Variants in HIVEP1 observed in about 807,000 individuals in gnomAD.
HIVEP1 encodes the protein HIVEP zinc finger 1, also known as zinc finger protein 40.
In HIVEP1, 36 loss-of-function variants were observed where a neutral mutation model predicts 180.0. The ratio of observed to expected loss-of-function variants is 0.20; its 90% CI spans 0.15 to 0.26. The LOEUF (loss-of-function observed/expected upper bound fraction) is 0.26. Ranked by LOEUF, HIVEP1 falls within the 10% of genes least tolerant of loss-of-function variation. HIVEP1 has a pLI of 1.00. For synonymous variants in HIVEP1, 1,239 were observed against 1,239.0 expected, an observed-to-expected ratio of 1.00 and a Z score of 0.00; for missense variants, 3,143 against 3,268.7, an observed-to-expected ratio of 0.96 and a Z score of 0.94.
In HIVEP1 at chr6:12,121,583, T is replaced by G. The variant is rs1179250850; in HGVS notation, c.1788T>G (p.Leu596=). 4 of 1,614,140 alleles carry G rather than the reference T, an allele frequency of 2.5e-6. No homozygotes were observed. Among genetic ancestry groups the G allele is most frequent in the Admixed American group, 1.7e-5 (1 of 60,028 alleles). Residue 596 remains leucine (L), a synonymous_variant, in exon 4 of 9, where the codon CTT becomes CTG. Transcript: ENST00000379388. The surrounding 1 kb of genome is among the most constrained non-coding windows in gnomAD (Gnocchi z 5.3). ...CTAGTGCACAAAAGCAGAAGGACCT[T>G]CAGGTGACAAACGTACAGCCACTTT... ...ELSSAQKQKD[L]QVTNVQPLSA... is the part of the protein sequence containing the mutation.
intron 2 of HIVEP1, among the ~76,000 whole-genome samples, chr6:12,072,595 G>A (rs996177099): frequency 3.9e-5 from 6 of 152,070 alleles, no homozygotes; most frequent in African/African-American, 9.7e-5. Context: ...TGGAGCTTTC[G>A]TTGCATCTGT....
At chr6:12,044,400 A>C (rs1769979303) in intron 2 of HIVEP1, among the ~76,000 whole-genome samples, 1 of 152,146 alleles carries the variant, frequency 6.6e-6, no homozygotes, top group South Asian at 2.1e-4. Context: ...TTTTGTTGGC[A>C]CCAAAGGGTA....
chr6:12,083,028 A>T (rs1772886995), intron 2 of HIVEP1, among the ~76,000 whole-genome samples: 1 of 152,142 alleles, frequency 6.6e-6, no homozygotes, highest in East Asian at 1.9e-4. Flanking sequence ...TGTATTCATT[A>T]TAGGTACTTT....
chr6:12,160,672 T>TA (rs752118360), intron 7 of HIVEP1, among the ~76,000 whole-genome samples: 3 of 152,360 alleles, frequency 2.0e-5, no homozygotes, highest in Admixed American at 6.5e-5. Context: ...AGTAGACTGT[T>TA]AGACAGTTCT....
rs374139532 is a variant in HIVEP1, at chr6:12,124,910, A to G, written c.5115A>G (p.Leu1705=). 4.4e-5 allele frequency: 71 copies of G among 1,614,016 alleles called. No homozygotes were observed. The highest frequency in any genetic ancestry group is 4.0e-4 in the South Asian group (36 of 91,032). The change falls in exon 4 of 9, where the codon CTA becomes CTG. Residue 1705 remains leucine, a synonymous_variant. Coordinates refer to ENST00000379388, the MANE Select transcript of HIVEP1 (RefSeq NM_002114.4). Reference sequence around the variant, plus strand: ...TGCCAAACCCAGAGAAGGAATTTCTATGTGAAAATGTTTTTTCAGAGATGA... The same window carrying G: ...TGCCAAACCCAGAGAAGGAATTTCTGTGTGAAAATGTTTTTTCAGAGATGA... ...NALPNPEKEF[L]CENVFSEMSQ... is the part of the protein sequence containing the mutation.
At chr6:12,175,772 T>TCA in the HIVEP1 span, among the ~76,000 whole-genome samples, 6 of 152,192 alleles carry the variant, frequency 3.9e-5, no homozygotes, top group African/African-American at 1.4e-4. Flanking sequence ...TTCTGTGCAT[T>TCA]CACTAAGGGA....
chr6:12,053,431 G>A (rs1219050846), intron 2 of HIVEP1, among the ~76,000 whole-genome samples: 1 of 152,038 alleles, frequency 6.6e-6, no homozygotes, highest in Non-Finnish European at 1.5e-5. Flanking sequence ...TGTATTATAA[G>A]CCATGGAAAA....
chr6:12,074,643 T>TGTGCGC (rs573970756), intron 2 of HIVEP1, among the ~76,000 whole-genome samples: 16 of 148,148 alleles, frequency 1.1e-4, no homozygotes, highest in African/African-American at 3.6e-4. Context: ...TGTGTGTGTG[T>TGTGCGC]GCGCGCGCGT....
At chr6:12,041,489 A>T (rs1283507454) in intron 2 of HIVEP1, among the ~76,000 whole-genome samples, 1 of 148,128 alleles carries the variant, frequency 6.8e-6, no homozygotes, top group African/African-American at 2.5e-5. Context: ...TATACATTAC[A>T]TTCTAGCTTA....
At chr6:12,066,667 A>G (rs1008211785) in intron 2 of HIVEP1, among the ~76,000 whole-genome samples, 1 of 152,206 alleles carries the variant, frequency 6.6e-6, no homozygotes, top group Non-Finnish European at 1.5e-5. Context: ...TTAGATTATG[A>G]AGATTTAGAT....
chr6:12,023,533 T>C (rs1245305753), intron 2 of HIVEP1, among the ~76,000 whole-genome samples: 1 of 152,202 alleles, frequency 6.6e-6, no homozygotes, highest in Non-Finnish European at 1.5e-5. Flanking sequence ...TAAGTAATAA[T>C]TTAAAAAATA....
At chr6:12,115,537 C>T (rs144944654) in intron 3 of HIVEP1, among the ~76,000 whole-genome samples, 3 of 151,738 alleles carry the variant, frequency 2.0e-5, no homozygotes, top group East Asian at 1.9e-4. Context: ...TATATGAAGT[C>T]GTGTTTGGAT....
chr6:12,185,742 T>C, the HIVEP1 span, among the ~76,000 whole-genome samples: 1 of 152,218 alleles, frequency 6.6e-6, no homozygotes, highest in Non-Finnish European at 1.5e-5. Context: ...ACCAGTGGCC[T>C]ATGTACCACT....
At chr6:12,131,165 ATT>A (rs1561983981) in intron 6 of HIVEP1, among the ~76,000 whole-genome samples, 1 of 151,684 alleles carries the variant, frequency 6.6e-6, no homozygotes, top group Admixed American at 6.6e-5. Context: ...TAAATATAAT[ATT>A]TTTAAAAGAG....
intron 2 of HIVEP1, among the ~76,000 whole-genome samples, chr6:12,082,185 A>G (rs1772831218): frequency 2.0e-5 from 3 of 152,140 alleles, no homozygotes; most frequent in Non-Finnish European, 2.9e-5. Context: ...GTCAAAGCTT[A>G]AAAGAATGTA....
downstream of HIVEP1, among the ~76,000 whole-genome samples, chr6:12,167,960 GTATA>G (rs1409612460): frequency 1.5e-4 from 13 of 87,362 alleles, no homozygotes; most frequent in Admixed American, 1.4e-4. Context: ...ATGTATATAT[GTATA>G]TATTATATAT....
At chr6:12,111,651 A>G (rs1375073809) in intron 3 of HIVEP1, among the ~76,000 whole-genome samples, 2 of 152,226 alleles carry the variant, frequency 1.3e-5, no homozygotes, top group East Asian at 3.8e-4. Context: ...GAAAGCCAGC[A>G]ATGGCAGGTC....
chr6:12,128,622 A>G (rs182191833), intron 4 of HIVEP1, among the ~76,000 whole-genome samples: 1 of 152,272 alleles, frequency 6.6e-6, no homozygotes. Flanking sequence ...ACTGGGATAT[A>G]TAGTCCACCT....
At position 12,098,937 on chromosome 6, in the gene HIVEP1, C is replaced by T. The variant is rs190745605; in HGVS notation, c.94+9700C>T. Among the ~76,000 whole-genome samples, 11 of 152,120 alleles carry T rather than the reference C, an allele frequency of 7.2e-5. No individual in the cohort carries two copies. In the South Asian group the frequency reaches 2.1e-3, roughly 29 times the overall value. On this transcript the variant is annotated intron_variant, in intron 3 of 8. Coordinates refer to ENST00000379388, the MANE Select transcript of HIVEP1 (RefSeq NM_002114.4). ...GTAGCTTAGAATTTTTCCCTGACCA[C>T]CAAGCAATGGGGTATAAAATTATTT...
Sources: gnomAD v4.1 joint callset for allele counts (sites outside exome capture counted in the v4.1 genomes callset) on GRCh38, gnomAD v4.1.1 for gene constraint, Gnocchi (gnomAD v3.1) non-coding constraint, MANE v1.5 for transcripts, NCBI Gene and HGNC (gene_info 2026-07-23, HGNC 2026-07-21) for gene names.